Variants in TTC17 observed in about 807,000 individuals in gnomAD.
TTC17 encodes the protein tetratricopeptide repeat domain 17, also known as tetratricopeptide repeat protein 17.
A neutral mutation model predicts 143.8 loss-of-function variants in TTC17; 58 were observed. The ratio of observed to expected loss-of-function variants is 0.40; its 90% CI spans 0.33 to 0.50. The LOEUF (loss-of-function observed/expected upper bound fraction) is 0.50, where lower values mean the gene tolerates loss of function less well. Among genes scored for constraint, TTC17 ranks in the 20% least tolerant of loss-of-function variants. The pLI is 0.49. For missense variants in TTC17, 1,273 were observed against 1,392.5 expected (o/e 0.91, Z 1.37); for synonymous variants, 501 against 497.8 (o/e 1.01, Z -0.09).
intron 11 of TTC17, 130 bp downstream of exon 11, chr11:43,404,274 T>A: frequency 2.4e-6 from 2 of 821,902 alleles, no homozygotes; most frequent in Non-Finnish European, 3.5e-6. Flanking sequence ...GTGTAGTACA[T>A]TTCTATTAAA....
intron 21 of TTC17, chr11:43,486,393 C>T (rs1308581818): frequency 2.2e-6 from 1 of 451,872 alleles, no homozygotes; most frequent in Admixed American, 2.4e-5. Flanking sequence ...AGATGTAAAA[C>T]TGGATGCTAT....
intron 18 of TTC17, among the ~76,000 whole-genome samples, chr11:43,447,177 G>T (rs1383060588): frequency 6.6e-6 from 1 of 152,070 alleles, no homozygotes; most frequent in Admixed American, 6.5e-5. Flanking sequence ...AAAGCAAGGT[G>T]CTGTCTCTAA....
chr11:43,469,918 A>G (rs1490375090), intron 21 of TTC17, among the ~76,000 whole-genome samples: 4 of 152,282 alleles, frequency 2.6e-5, no homozygotes, highest in African/African-American at 9.6e-5. Flanking sequence ...TCAGTAAAGG[A>G]TTTTTTCAGG....
At chr11:43,427,019 A>T (rs1047116929) in intron 16 of TTC17, among the ~76,000 whole-genome samples, 6 of 152,222 alleles carry the variant, frequency 3.9e-5, no homozygotes, top group Non-Finnish European at 1.5e-5. Flanking sequence ...TAAATATCAT[A>T]CTTACTACCT....
At chr11:43,455,642 G>A (rs1287789147) in intron 21 of TTC17, among the ~76,000 whole-genome samples, 1 of 151,910 alleles carries the variant, frequency 6.6e-6, no homozygotes, top group African/African-American at 2.4e-5. Context: ...CAGAAAAAAT[G>A]CTGCACTGTA....
At chr11:43,444,387 T>G in intron 18 of TTC17, 178 bp downstream of exon 18, 2 of 495,402 alleles carry the variant, frequency 4.0e-6, no homozygotes, top group Non-Finnish European at 6.6e-6. Flanking sequence ...TCTAAAACAT[T>G]ATGGAAATGC....
At chr11:43,359,851 T>C (rs762490954) in intron 1 of TTC17, among the ~76,000 whole-genome samples, 2 of 152,246 alleles carry the variant, frequency 1.3e-5, no homozygotes, top group Non-Finnish European at 2.9e-5. Flanking sequence ...TGGATTCTTG[T>C]ATGCCTGAAC....
intron 22 of TTC17, chr11:43,491,698 T>C (rs1474233859): frequency 1.1e-5 from 3 of 283,514 alleles, no homozygotes; most frequent in African/African-American, 6.5e-5. Flanking sequence ...CACAGACTTT[T>C]TATTAGCAGT....
chr11:43,427,041 A>G (rs1947045685), intron 16 of TTC17, among the ~76,000 whole-genome samples: 1 of 152,188 alleles, frequency 6.6e-6, no homozygotes, highest in Non-Finnish European at 1.5e-5. Flanking sequence ...AACCAAGTCT[A>G]GTTTGCTAGT....
intron 21 of TTC17, among the ~76,000 whole-genome samples, chr11:43,478,766 C>T (rs527394155): frequency 8.3e-4 from 126 of 152,218 alleles, no homozygotes; most frequent in African/African-American, 2.8e-3. Context: ...GTAGTTAGGA[C>T]GACAGGCACG....
intron 18 of TTC17, chr11:43,447,687 C>T (rs925219958): frequency 2.4e-5 from 5 of 212,610 alleles, no homozygotes; most frequent in South Asian, 2.8e-4. Flanking sequence ...TACAGAGGGG[C>T]AAAAATTAAG....
intron 15 of TTC17, among the ~76,000 whole-genome samples, chr11:43,411,646 T>G (rs1858418938): frequency 6.6e-6 from 1 of 152,206 alleles, no homozygotes; most frequent in Non-Finnish European, 1.5e-5. Flanking sequence ...CAACTTTTTT[T>G]CCAAAATGCT....
intron 21 of TTC17, among the ~76,000 whole-genome samples, chr11:43,484,898 C>A (rs1379220461): frequency 1.3e-5 from 2 of 151,994 alleles, no homozygotes; most frequent in Non-Finnish European, 2.9e-5. Context: ...CCATCGCTCG[C>A]ATTACTGCCT....
chr11:43,410,882 C>T lies in TTC17; in HGVS notation c.2064+3305C>T, dbSNP rs576341131. Among the ~76,000 whole-genome samples the T allele has an allele frequency of 8.5e-4, 129 of 152,306 alleles. 1 individual carries two copies. Among genetic ancestry groups the T allele is most frequent in the Non-Finnish European group, 1.3e-3 (88 of 68,030 alleles). ...GGGAAAATTCAGTCCACTGGCTAACCTTGTTGATTCTGTTTTCAAAATATA... is the reference window on the plus strand; with the variant it reads ...GGGAAAATTCAGTCCACTGGCTAACTTTGTTGATTCTGTTTTCAAAATATA... On this transcript the variant is annotated intron_variant, in intron 15 of 23. Transcript: ENST00000039989.
chr11:43,400,308 T>TCTGAAACAGA (rs1857796527), intron 9 of TTC17, among the ~76,000 whole-genome samples: 1 of 152,192 alleles, frequency 6.6e-6, no homozygotes, highest in Non-Finnish European at 1.5e-5. Context: ...GTTATTTGCA[T>TCTGAAACAGA]TCTGTGTTCA....
At chr11:43,466,683 G>A in intron 21 of TTC17, 1 of 367,598 alleles carries the variant, frequency 2.7e-6, no homozygotes, top group Non-Finnish European at 5.4e-6. Context: ...CTTGTCCATG[G>A]CAAATGCTGC....
chr11:43,426,363 T>C (rs1199146674), intron 16 of TTC17, among the ~76,000 whole-genome samples: 5 of 152,242 alleles, frequency 3.3e-5, no homozygotes, highest in Non-Finnish European at 1.5e-5. Flanking sequence ...GAGGAAACAA[T>C]ATGTAACAAA....
At position 43,444,188 on chromosome 11, in the gene TTC17, G is replaced by T; in HGVS notation, c.2644G>T (p.Val882Leu). The T allele has an allele frequency of 6.2e-7, 1 of 1,610,714 alleles. No individual in the cohort carries two copies. The highest frequency in any genetic ancestry group is 8.5e-7 in the Non-Finnish European group (1 of 1,178,782). ...AAACCTAGAGATCACTGGCCCCAAG[G>T]TGGCATCTCCTGGGCCACAAGGTAA... The part of the protein sequence containing the change: ...QANLEITGPK[V>L]ASPGPQGKKR... Residue 882 changes from valine to leucine, a missense_variant, in exon 18 of 24, where the codon GTG becomes TTG. Coordinates refer to ENST00000039989, the MANE Select transcript of TTC17 (RefSeq NM_018259.6).
At chr11:43,401,396 GGCATTGT>G in intron 9 of TTC17, 43 bp from the exon 10 acceptor site, 1 of 1,283,548 alleles carries the variant, frequency 7.8e-7, no homozygotes, top group Non-Finnish European at 1.1e-6. Flanking sequence ...AAATCACATT[GGCATTGT>G]TGACCTTGCT....
Sources: gnomAD v4.1 joint callset for allele counts (sites outside exome capture counted in the v4.1 genomes callset) on GRCh38, gnomAD v4.1.1 for gene constraint, MANE v1.5 for transcripts, NCBI Gene and HGNC (gene_info 2026-07-23, HGNC 2026-07-21) for gene names.